Variants in AGBL1 observed in about 807,000 individuals in gnomAD.
The protein encoded by AGBL1 is AGBL carboxypeptidase 1, also known as cytosolic carboxypeptidase 4.
AGBL1 carries 130 observed loss-of-function variants against 118.9 expected under a neutral mutation model. That is an observed-to-expected ratio of 1.09 (90% CI 0.95 to 1.26). The LOEUF (loss-of-function observed/expected upper bound fraction) is 1.26, where lower values mean the gene tolerates loss of function less well. Among genes scored for constraint, AGBL1 ranks in the 50% most tolerant of loss-of-function variants. AGBL1 has a pLI of 0.00. For synonymous variants in AGBL1, 555 were observed against 478.9 expected (o/e 1.16, Z -2.08); for missense variants, 1,584 against 1,298.1 (o/e 1.22, Z -3.38).
At chr15:86,991,263 G>C (rs1310184972) in intron 24 of AGBL1, among the ~76,000 whole-genome samples, 1 of 151,900 alleles carries the variant, frequency 6.6e-6, no homozygotes, top group Non-Finnish European at 1.5e-5. Flanking sequence ...ATGAAGCTCT[G>C]TGCATTCTTA....
intron 18 of AGBL1, among the ~76,000 whole-genome samples, chr15:86,423,872 G>A (rs779299394): frequency 3.3e-5 from 5 of 152,116 alleles, no homozygotes; most frequent in African/African-American, 1.2e-4. Flanking sequence ...ACTGCTCAAG[G>A]AAATAAGAGA....
At chr15:86,698,089 T>C (rs2086292898) in intron 22 of AGBL1, among the ~76,000 whole-genome samples, 1 of 152,026 alleles carries the variant, frequency 6.6e-6, no homozygotes, top group African/African-American at 2.4e-5. Context: ...ATCTGCAATT[T>C]AGTCCTGCCT....
chr15:86,495,399 T>TAA (rs144325939), intron 18 of AGBL1, among the ~76,000 whole-genome samples: 45,318 of 146,800 alleles, frequency 0.31, 7,848 homozygotes, highest in East Asian at 0.57. Flanking sequence ...ATCTTTTTTT[T>TAA]AAAAAAAAAA....
intron 1 of AGBL1, among the ~76,000 whole-genome samples, chr15:86,091,969 G>A (rs1896057244): frequency 6.6e-6 from 1 of 152,016 alleles, no homozygotes; most frequent in African/African-American, 2.4e-5. Context: ...TCTAAACTAG[G>A]TGGTATATCT....
intron 21 of AGBL1, among the ~76,000 whole-genome samples, chr15:86,619,567 AAT>A (rs1328095660): frequency 6.6e-6 from 1 of 152,168 alleles, no homozygotes; most frequent in Non-Finnish European, 1.5e-5. Flanking sequence ...GTTAAGAGGT[AAT>A]TAGACGCTGC....
chr15:86,886,899 G>C (rs1567224309), intron 22 of AGBL1, among the ~76,000 whole-genome samples: 1 of 152,114 alleles, frequency 6.6e-6, no homozygotes, highest in African/African-American at 2.4e-5. Flanking sequence ...TAAAGACGAG[G>C]TTTTGGAAGC....
chr15:86,697,820 C>T (rs1027495914), intron 22 of AGBL1, among the ~76,000 whole-genome samples: 1 of 151,906 alleles, frequency 6.6e-6, no homozygotes, highest in Non-Finnish European at 1.5e-5. Context: ...AGAGATGTGG[C>T]TTCCTGAGAG....
intron 6 of AGBL1, among the ~76,000 whole-genome samples, chr15:86,246,245 A>C (rs2078719030): frequency 6.6e-6 from 1 of 152,142 alleles, no homozygotes; most frequent in Non-Finnish European, 1.5e-5. Flanking sequence ...AGCCACTGAT[A>C]GGGGGTAAAG....
At chr15:86,445,161 G>A (rs535372506) in intron 18 of AGBL1, among the ~76,000 whole-genome samples, 1 of 152,292 alleles carries the variant, frequency 6.6e-6, no homozygotes, top group Non-Finnish European at 1.5e-5. Flanking sequence ...CAATCACACT[G>A]GCACTCAGCT....
chr15:86,716,065 C>CA (rs35322996), intron 22 of AGBL1, among the ~76,000 whole-genome samples: 1,357 of 109,670 alleles, frequency 0.012, 16 homozygotes, highest in East Asian at 0.032. Context: ...GACTCCGTCT[C>CA]AAAAAAAAAA....
At chr15:86,093,241 T>C (rs1400510630) in intron 1 of AGBL1, among the ~76,000 whole-genome samples, 1 of 152,118 alleles carries the variant, frequency 6.6e-6, no homozygotes, top group Non-Finnish European at 1.5e-5. Flanking sequence ...ACCCAGAAAA[T>C]TTGAAGACTT....
At chr15:86,341,208 G>T (rs2080456691) in intron 17 of AGBL1, among the ~76,000 whole-genome samples, 1 of 152,142 alleles carries the variant, frequency 6.6e-6, no homozygotes, top group African/African-American at 2.4e-5. Flanking sequence ...GTCTCCCTGG[G>T]TTTTTTGTGT....
At chr15:86,967,385 A>G (rs1474300676) in intron 23 of AGBL1, among the ~76,000 whole-genome samples, 2 of 151,898 alleles carry the variant, frequency 1.3e-5, no homozygotes, top group African/African-American at 2.4e-5. Flanking sequence ...GGTGTTTTAG[A>G]CATGAAGTCC....
Position 86,273,488 on chromosome 15 carries a change from C to A in AGBL1, c.2075+1782C>A, listed in dbSNP as rs577406410. Among the ~76,000 whole-genome samples the A allele has an allele frequency of 2.0e-5, 3 of 152,270 alleles. No individual in the cohort carries two copies. In the East Asian group the frequency reaches 5.8e-4, roughly 29 times the overall value. On this transcript the variant is annotated intron_variant, in intron 15 of 22. Transcript: ENST00000614907. ...ACATATTCCCAATACTGTGATGTAACAACAGGGTAGATATGTGTAATCTCT... is the reference window on the plus strand; with the variant it reads ...ACATATTCCCAATACTGTGATGTAAAAACAGGGTAGATATGTGTAATCTCT...
chr15:86,752,248 C>G (rs904500406), intron 22 of AGBL1, among the ~76,000 whole-genome samples: 2 of 152,038 alleles, frequency 1.3e-5, no homozygotes, highest in African/African-American at 2.4e-5. Flanking sequence ...CAGCTCTGTC[C>G]CTCCCAACTG....
At chr15:86,107,184 C>T (rs558915467) in intron 1 of AGBL1, among the ~76,000 whole-genome samples, 8 of 152,252 alleles carry the variant, frequency 5.3e-5, no homozygotes, top group African/African-American at 1.7e-4. Flanking sequence ...AGTTCATGGG[C>T]GACCACAGGA....
intron 22 of AGBL1, among the ~76,000 whole-genome samples, chr15:86,888,621 A>T (rs1036787753): frequency 6.6e-6 from 1 of 151,998 alleles, no homozygotes; most frequent in Admixed American, 6.6e-5. Context: ...GCGTGAGGGG[A>T]TTTCTCAGAG....
chr15:86,820,723 A>G (rs2078929772), intron 22 of AGBL1, among the ~76,000 whole-genome samples: 1 of 152,214 alleles, frequency 6.6e-6, no homozygotes, highest in Admixed American at 6.5e-5. Context: ...ACACTTTTAC[A>G]CTGTGGTGGG....
chr15:86,454,599 C>T (rs751177849), intron 18 of AGBL1, among the ~76,000 whole-genome samples: 1 of 152,148 alleles, frequency 6.6e-6, no homozygotes, highest in Non-Finnish European at 1.5e-5. Context: ...AATGCTACAA[C>T]ACGGATGAAC....
Sources: allele counts gnomAD v4.1 joint callset (sites outside exome capture counted in the v4.1 genomes callset), GRCh38; gene constraint gnomAD v4.1.1; transcripts MANE v1.5; gene names NCBI Gene and HGNC (gene_info 2026-07-23, HGNC 2026-07-21).